Variants in UST observed in about 807,000 individuals in gnomAD.
The protein encoded by UST is chondroitin sulfate 2-O-sulfotransferase.
In UST, 21 loss-of-function variants were observed where a neutral mutation model predicts 45.6. The ratio of observed to expected loss-of-function variants is 0.46; its 90% confidence interval spans 0.33 to 0.66. The LOEUF (loss-of-function observed/expected upper bound fraction) is 0.66. Among genes scored for constraint, UST ranks in the 30% least tolerant of loss-of-function variants. The pLI, the probability that UST is intolerant of heterozygous loss-of-function variation, is 0.02. For missense variants in UST, 463 were observed against 512.4 expected (o/e 0.90, Z 0.93); for synonymous variants, 215 against 200.6 (o/e 1.07, Z -0.61).
chr6:148,755,181 A>G (rs1409705839), intron 1 of UST, among the ~76,000 whole-genome samples: 1 of 152,230 alleles, frequency 6.6e-6, no homozygotes, highest in Non-Finnish European at 1.5e-5. Flanking sequence ...TATACAATAT[A>G]TGAAGCAACC....
At chr6:148,778,779 G>A (rs1776581634) in intron 1 of UST, among the ~76,000 whole-genome samples, 1 of 152,156 alleles carries the variant, frequency 6.6e-6, no homozygotes, top group South Asian at 2.1e-4. Context: ...CCAGGCCTGG[G>A]GCAACTTGCC....
At chr6:149,051,578 A>C (rs1185473181) in intron 7 of UST, among the ~76,000 whole-genome samples, 2 of 152,180 alleles carry the variant, frequency 1.3e-5, no homozygotes, top group African/African-American at 4.8e-5. Context: ...AAGAAAGCAA[A>C]CCTGAATTGG....
intron 3 of UST, among the ~76,000 whole-genome samples, chr6:148,952,987 G>A (rs372101727): frequency 1.2e-4 from 19 of 152,088 alleles, no homozygotes; most frequent in African/African-American, 2.2e-4. Context: ...TAGTTTATAC[G>A]AATATAAACT....
At chr6:149,012,193 T>G (rs1488870992) in intron 5 of UST, among the ~76,000 whole-genome samples, 2 of 152,246 alleles carry the variant, frequency 1.3e-5, no homozygotes, top group African/African-American at 4.8e-5. Flanking sequence ...CATCAGTGAT[T>G]CATGCTAGAC....
At chr6:148,995,861 G>A (rs537600933) in intron 5 of UST, among the ~76,000 whole-genome samples, 34 of 152,308 alleles carry the variant, frequency 2.2e-4, no homozygotes, top group Middle Eastern at 3.4e-3. Context: ...TTTGCCCTGC[G>A]TTTCTCCACC....
At chr6:148,778,652 TGGCAGGAACATGGTTGGA>T (rs1776579752) in intron 1 of UST, among the ~76,000 whole-genome samples, 1 of 152,180 alleles carries the variant, frequency 6.6e-6, no homozygotes, top group Admixed American at 6.5e-5. Context: ...GTGTGGGGCC[TGGCAGGAACATGGTTGGA>T]GGCTCACAGA....
Position 149,055,544 on chromosome 6 carries a change from C to T in UST, c.938-18289C>T, listed in dbSNP as rs1776550032. 2.6e-5 allele frequency among the ~76,000 whole-genome samples: 4 copies of T among 152,126 alleles called. No individual in the cohort carries two copies. The South Asian group carries it at 6.2e-4, about 24-fold the overall frequency. On this transcript the variant is annotated intron_variant, in intron 7 of 7. Coordinates refer to ENST00000367463, the MANE Select transcript of UST (RefSeq NM_005715.3). ...TCAAGTTACCCGTTTCTCCTGTCCC[C>T]TCCCCCACCTGTCTCTAATGCAGTT...
chr6:148,859,437 G>C (rs1471994632), intron 1 of UST, among the ~76,000 whole-genome samples: 11 of 152,182 alleles, frequency 7.2e-5, no homozygotes, highest in Non-Finnish European at 1.5e-4. Flanking sequence ...CTCCCATTCT[G>C]TAGGTTGCCT....
chr6:148,955,296 A>T (rs565096393), intron 4 of UST, among the ~76,000 whole-genome samples: 1 of 152,344 alleles, frequency 6.6e-6, no homozygotes, highest in South Asian at 2.1e-4. Flanking sequence ...GGCTGGAAGA[A>T]GATTTCAGCC....
Position 148,913,145 on chromosome 6 carries a change from T to C in UST, c.291+26116T>C, listed in dbSNP as rs548469140. ...GGACTTGCAATGCCATTGGCTTTTA[T>C]GGGCCCCTCAGCTTGCCAATCATTA... On this transcript the variant is annotated intron_variant, in intron 2 of 7. Coordinates refer to ENST00000367463, the MANE Select transcript of UST (RefSeq NM_005715.3). Among the ~76,000 whole-genome samples the C allele has an allele frequency of 6.6e-5, 10 of 152,342 alleles. No homozygotes were observed. In the East Asian group the frequency reaches 1.7e-3, roughly 26 times the overall value.
In UST at chr6:148,964,510, G is replaced by A. The variant is rs1171213246; in HGVS notation, c.628G>A (p.Glu210Lys). ...CCGTCGCTTTGGAGACTGGAGAGGG[G>A]AACAAAATCACATGATCCGCACCCC... ...FFRRFGDWRG[E>K]QNHMIRTPSM... is the part of the protein sequence containing the mutation. The change falls in exon 5 of 8, where the codon GAA (glutamate) becomes AAA (lysine). Residue 210 changes from glutamate to lysine, a missense_variant. Around this residue, in one of 2 missense-constraint regions of UST, gnomAD observed 287 missense variants for 374.2 expected, o/e 0.77. Coordinates refer to ENST00000367463, the MANE Select transcript of UST (RefSeq NM_005715.3). 6.2e-7 allele frequency: 1 copy of A among 1,614,014 alleles called. No homozygotes were observed. The highest frequency in any genetic ancestry group is 1.7e-5 in the Admixed American group (1 of 60,008).
rs201994426 is a variant in UST, at chr6:149,019,181, A to T, written c.724A>T (p.Asn242Tyr). 1.2e-6 allele frequency: 2 copies of T among 1,614,096 alleles called. No homozygotes were observed. Among genetic ancestry groups the T allele is most frequent in the South Asian group, 2.2e-5 (2 of 91,078 alleles). The change falls in exon 6 of 8, where the codon AAC (asparagine) becomes TAC (tyrosine). Residue 242 changes from asparagine to tyrosine, a missense_variant. Transcript: ENST00000367463. Reference protein sequence around the residue: ...CILENYPECSNPRLFYIIPYF... With the variant: ...CILENYPECSYPRLFYIIPYF... ...TCTTGAAAACTATCCCGAGTGCTCC[A>T]ACCCCAGGTTATTTTACATCATTCC...
rs903880780 is a variant in UST, at chr6:148,854,916, C to G, written c.248-32070C>G. ...TTCACACTACTGATAAAGACATACCCGAGACGGGGCAATTTACAAAAGAAA... is the reference window on the plus strand; with the variant it reads ...TTCACACTACTGATAAAGACATACCGGAGACGGGGCAATTTACAAAAGAAA... On this transcript the variant is annotated intron_variant, in intron 1 of 7. Transcript: ENST00000367463. Among the ~76,000 whole-genome samples the G allele has an allele frequency of 5.3e-5, 8 of 152,198 alleles. No homozygotes were observed. The East Asian group carries it at 1.5e-3, about 29-fold the overall frequency.
At chr6:149,002,184 T>A (rs560169351) in intron 5 of UST, among the ~76,000 whole-genome samples, 3 of 152,162 alleles carry the variant, frequency 2.0e-5, no homozygotes, top group Non-Finnish European at 4.4e-5. Flanking sequence ...GGGTAAAATG[T>A]AATCCTTAGA....
chr6:148,881,787 C>T (rs1029466392), intron 1 of UST, among the ~76,000 whole-genome samples: 8 of 152,172 alleles, frequency 5.3e-5, no homozygotes, highest in East Asian at 1.9e-4. Context: ...CAAGAAAGCT[C>T]GTTTTGATAA....
intron 7 of UST, among the ~76,000 whole-genome samples, chr6:149,042,611 G>A (rs369221360): frequency 7.2e-5 from 11 of 152,166 alleles, no homozygotes; most frequent in African/African-American, 1.9e-4. Context: ...ATGTCCAGGC[G>A]TGGCCTGTGC....
intron 7 of UST, among the ~76,000 whole-genome samples, chr6:149,070,982 G>T (rs1041183450): frequency 6.6e-6 from 1 of 152,066 alleles, no homozygotes. Flanking sequence ...TGGCCTGGAT[G>T]GTCTCGATCT....
chr6:148,950,677 T>C (rs12211515), intron 3 of UST, among the ~76,000 whole-genome samples: 20,900 of 152,226 alleles, frequency 0.14, 1,805 homozygotes, highest in South Asian at 0.22. Context: ...TCCCTTTCTT[T>C]CCTGGCTAAC....
intron 1 of UST, among the ~76,000 whole-genome samples, chr6:148,838,148 G>A (rs146475884): frequency 0.014 from 2,063 of 152,340 alleles, 24 homozygotes; most frequent in Non-Finnish European, 0.021. Flanking sequence ...TCATTAAATA[G>A]GTGACCAGGT....
Sources: gnomAD v4.1 joint callset for allele counts (sites outside exome capture counted in the v4.1 genomes callset) on GRCh38, gnomAD v4.1.1 for gene constraint, gnomAD v4.1.1 regional missense constraint, MANE v1.5 for transcripts, NCBI Gene and HGNC (gene_info 2026-07-23, HGNC 2026-07-21) for gene names.